Variants in SLC5A10 observed in about 807,000 individuals in gnomAD.
SLC5A10 encodes the protein solute carrier family 5 member 10.
In SLC5A10, 55 loss-of-function variants were observed where a neutral mutation model predicts 68.9. The ratio of observed to expected loss-of-function variants is 0.80; its 90% CI spans 0.64 to 1.00. The LOEUF (loss-of-function observed/expected upper bound fraction) is 1.00, where lower values mean the gene tolerates loss of function less well. Ranked by LOEUF, SLC5A10 falls within the 50% of genes least tolerant of loss-of-function variation. The pLI is 0.00. For missense variants in SLC5A10, 732 were observed against 819.3 expected (o/e 0.89, Z 1.30); for synonymous variants, 344 against 344.8 (o/e 1.00, Z 0.02).
At chr17:19,002,343 G>C (rs1363312787) in intron 9 of SLC5A10, among the ~76,000 whole-genome samples, 3 of 152,124 alleles carry the variant, frequency 2.0e-5, no homozygotes, top group Non-Finnish European at 4.4e-5. Context: ...TTGTTGGGCA[G>C]GGACTCCACC....
intron 9 of SLC5A10, among the ~76,000 whole-genome samples, chr17:19,011,084 G>A (rs2044002290): frequency 2.0e-5 from 3 of 152,214 alleles, no homozygotes; most frequent in Admixed American, 1.3e-4. Flanking sequence ...GGCGATACCT[G>A]GGACTTGGAG....
intron 9 of SLC5A10, among the ~76,000 whole-genome samples, chr17:18,990,592 G>A (rs1012190456): frequency 4.0e-5 from 6 of 151,804 alleles, no homozygotes; most frequent in Admixed American, 3.9e-4. Flanking sequence ...CACCATGTGC[G>A]CCACTCCCCA....
At chr17:19,013,305 T>C in intron 9 of SLC5A10, 105 bp from the exon 10 acceptor site, 1 of 1,540,016 alleles carries the variant, frequency 6.5e-7, no homozygotes, top group South Asian at 1.2e-5. Context: ...GTCAGAGGCA[T>C]TGATGGAGCA....
rs1196073191 is a variant in SLC5A10, at chr17:19,003,781, A to G, written c.983-9629A>G. 6 of 1,610,978 alleles carry G rather than the reference A, an allele frequency of 3.7e-6. No individual in the cohort carries two copies. The highest frequency in any genetic ancestry group is 3.4e-6 in the Non-Finnish European group (4 of 1,179,172). Reference sequence around the variant, plus strand: ...CGACCCCATTGTCCTCGGGCCCCTGAGAGGGGCCCGTGCCCCGAGGGTCCT... The same window carrying G: ...CGACCCCATTGTCCTCGGGCCCCTGGGAGGGGCCCGTGCCCCGAGGGTCCT... On this transcript the variant is annotated intron_variant, in intron 9 of 14. Coordinates refer to ENST00000395645, the MANE Select transcript of SLC5A10 (RefSeq NM_001042450.4). This position sits in a 1 kb window ranked among gnomAD's most constrained non-coding sequence, Gnocchi z 4.5.
chr17:18,968,341 G>A lies in SLC5A10; in HGVS notation c.454-711G>A. Among the ~76,000 whole-genome samples the A allele has an allele frequency of 6.6e-6, 1 of 152,344 alleles. No individual in the cohort carries two copies. Among genetic ancestry groups the A allele is most frequent in the East Asian group, 1.9e-4 (1 of 5,182 alleles). Reference sequence around the variant, plus strand: ...TTACTAGCCCATGTCCCAGAGAACAGGGTCCTGCCCTTCCTCTCACTGGGC... The same window carrying A: ...TTACTAGCCCATGTCCCAGAGAACAAGGTCCTGCCCTTCCTCTCACTGGGC... On this transcript the variant is annotated intron_variant, in intron 5 of 14. Transcript: ENST00000395645. This position sits in a 1 kb window ranked among gnomAD's most constrained non-coding sequence, Gnocchi z 4.1.
intron 9 of SLC5A10, among the ~76,000 whole-genome samples, chr17:18,992,623 G>C (rs540101872): frequency 1.3e-5 from 2 of 152,340 alleles, no homozygotes; most frequent in African/African-American, 4.8e-5. Context: ...CAAGGGTGGA[G>C]CGGGCGGAGT....
At chr17:18,982,225 G>A (rs1022415386) in intron 9 of SLC5A10, among the ~76,000 whole-genome samples, 34 of 152,180 alleles carry the variant, frequency 2.2e-4, no homozygotes, top group Non-Finnish European at 1.2e-4. Flanking sequence ...ACAGCAGGGC[G>A]GGCCTCCAAC....
chr17:18,976,227 A>AGTG (rs1346464899), intron 8 of SLC5A10: 1 of 150,974 alleles, frequency 6.6e-6, no homozygotes, highest in Non-Finnish European at 1.5e-5. Context: ...TCGTAATATC[A>AGTG]GTGCTGGGAG....
At chr17:18,989,898 CA>C (rs1372558551) in intron 9 of SLC5A10, among the ~76,000 whole-genome samples, 1 of 152,196 alleles carries the variant, frequency 6.6e-6, no homozygotes, top group African/African-American at 2.4e-5. Context: ...GGTTGGTCTC[CA>C]GTACCTTCTC....
Position 18,996,274 on chromosome 17 carries a change from G to A in SLC5A10, c.983-17136G>A, listed in dbSNP as rs1436156124. 6.6e-6 allele frequency among the ~76,000 whole-genome samples: 1 copy of A among 152,100 alleles called. No homozygotes were observed. The highest frequency in any genetic ancestry group is 1.9e-4 in the East Asian group (1 of 5,200). On this transcript the variant is annotated intron_variant, in intron 9 of 14. Transcript: ENST00000395645. The surrounding 1 kb of genome is among the most constrained non-coding windows in gnomAD (Gnocchi z 4.4). ...CAGACCCGCACTCCCTCCTCCAGCT[G>A]CAACCCCCTCCTCCAGCAGCACGGT...
chr17:18,951,447 C>A (rs1301719121), upstream of SLC5A10, among the ~76,000 whole-genome samples: 1 of 151,270 alleles, frequency 6.6e-6, no homozygotes, highest in African/African-American at 2.4e-5. Context: ...GGAACAGCCA[C>A]GCATGGTCCG....
At chr17:18,970,781 GCTTA>G (rs1222379411) in intron 7 of SLC5A10, 8 of 557,958 alleles carry the variant, frequency 1.4e-5, no homozygotes, top group Non-Finnish European at 2.2e-5. Context: ...TGTGCAAAAT[GCTTA>G]CTTAATAGTA....
chr17:19,014,382 C>T (rs564769751), intron 10 of SLC5A10, among the ~76,000 whole-genome samples: 35 of 152,236 alleles, frequency 2.3e-4, no homozygotes, highest in African/African-American at 8.2e-4. Flanking sequence ...CTACCCGCAC[C>T]TCCTAGGGGA....
chr17:19,003,887 C>T lies in SLC5A10; in HGVS notation c.983-9523C>T. Reference sequence around the variant, plus strand: ...CGAGAGGAAGTCTCGGATGTTCTCCCGCTTGAGCACCTCGTAGAAGGCGTC... The same window carrying T: ...CGAGAGGAAGTCTCGGATGTTCTCCTGCTTGAGCACCTCGTAGAAGGCGTC... On this transcript the variant is annotated intron_variant, in intron 9 of 14. Coordinates refer to ENST00000395645, the MANE Select transcript of SLC5A10 (RefSeq NM_001042450.4). The surrounding 1 kb of genome is among the most constrained non-coding windows in gnomAD (Gnocchi z 4.5). The T allele has an allele frequency of 6.2e-7, 1 of 1,613,052 alleles. No homozygotes were observed. The highest frequency in any genetic ancestry group is 1.1e-5 in the South Asian group (1 of 91,086).
At position 19,011,317 on chromosome 17, in the gene SLC5A10, G is replaced by A. The variant is rs77198150; in HGVS notation, c.983-2093G>A. Among the ~76,000 whole-genome samples, 1,284 of 152,278 alleles carry A rather than the reference G, an allele frequency of 8.4e-3. 4 individuals are homozygous for A. The highest frequency in any genetic ancestry group is 0.014 in the Non-Finnish European group (926 of 68,028). On this transcript the variant is annotated intron_variant, in intron 9 of 14. Transcript: ENST00000395645. The stretch of plus-strand genomic sequence containing the variant: ...ACAAGGGTGTGGGTGGGTGTTAGAC[G>A]GACAGTGGTGCCCTGGGAGGAGGGA...
rs1323285143 is a variant in SLC5A10 at position 19,000,037 on chromosome 17, G to A, written c.983-13373G>A. On this transcript the variant is annotated intron_variant, in intron 9 of 14. Coordinates refer to ENST00000395645, the MANE Select transcript of SLC5A10 (RefSeq NM_001042450.4). This position sits in a 1 kb window ranked among gnomAD's most constrained non-coding sequence, Gnocchi z 5.2. ...AAGCCCCAACCCAGCCCAGCCTCAC[G>A]CCTTCTCAGGCTGCAGCCAAGTGAG... Among the ~76,000 whole-genome samples the A allele has an allele frequency of 6.6e-6, 1 of 152,218 alleles. No individual in the cohort carries two copies. Among genetic ancestry groups the A allele is most frequent in the Non-Finnish European group, 1.5e-5 (1 of 68,022 alleles).
At chr17:18,963,796 C>T (rs570776789) in intron 5 of SLC5A10, among the ~76,000 whole-genome samples, 2 of 152,350 alleles carry the variant, frequency 1.3e-5, no homozygotes, top group African/African-American at 4.8e-5. Context: ...ACGAATGGGC[C>T]CAAGCCCAGC....
intron 9 of SLC5A10, among the ~76,000 whole-genome samples, chr17:18,988,687 G>GT (rs1762003270): frequency 6.6e-6 from 1 of 152,254 alleles, no homozygotes. Flanking sequence ...TGCCCTCCTT[G>GT]TAACACCTGG....
chr17:18,974,047 C>T (rs1651045996), intron 8 of SLC5A10, among the ~76,000 whole-genome samples: 1 of 152,120 alleles, frequency 6.6e-6, no homozygotes, highest in African/African-American at 2.4e-5. Flanking sequence ...CGTGTACCAT[C>T]ATGCCCGGCT....
Sources: allele counts gnomAD v4.1 joint callset (sites outside exome capture counted in the v4.1 genomes callset), GRCh38; gene constraint gnomAD v4.1.1; non-coding constraint Gnocchi (gnomAD v3.1); transcripts MANE v1.5; gene names NCBI Gene and HGNC (gene_info 2026-07-23, HGNC 2026-07-21).